Variants in CSMD1 observed in about 807,000 individuals in gnomAD.
CSMD1 encodes CUB and Sushi multiple domains 1, also known as CUB and sushi domain-containing protein 1.
CSMD1 carries 213 observed loss-of-function variants against 417.5 expected under a neutral mutation model. That is an observed-to-expected ratio of 0.51 (90% CI 0.46 to 0.57). The LOEUF is 0.57. Among genes scored for constraint, CSMD1 ranks in the 20% least tolerant of loss-of-function variants. CSMD1 has a pLI of 0.00. For missense variants in CSMD1, 6,923 were observed against 4,529.7 expected (o/e 1.53, Z -15.17); for synonymous variants, 2,862 against 1,736.8 (o/e 1.65, Z -16.11).
chr8:3,359,434 A>G (rs1050918065), intron 20 of CSMD1, 94 bp from the exon 21 acceptor site: 2 of 947,610 alleles, frequency 2.1e-6, no homozygotes, highest in African/African-American at 1.7e-5. Flanking sequence ...ACTAAAAAAA[A>G]AAAAAAAAAC....
At chr8:4,147,703 C>T (rs143093709) in intron 3 of CSMD1, among the ~76,000 whole-genome samples, 1,569 of 152,228 alleles carry the variant, frequency 0.01, 15 homozygotes, top group Non-Finnish European at 0.015. Context: ...TCACCATGGT[C>T]AGGTTTCAGA....
rs116168740 is a variant in CSMD1 at position 4,181,537 on chromosome 8, G to C, written c.416-149438C>G. Among the ~76,000 whole-genome samples the C allele has an allele frequency of 2.9e-3, 437 of 152,122 alleles. 4 individuals carry two copies. Among genetic ancestry groups the C allele is most frequent in the African/African-American group, 9.9e-3 (411 of 41,512 alleles). ...GAAAACCTTACAATATTTTAAGAAA[G>C]TTTATGAATTTGTGTTTGGCCACAT... On this transcript the variant is annotated intron_variant, in intron 3 of 69. Coordinates refer to ENST00000635120, the MANE Select transcript of CSMD1 (RefSeq NM_033225.6).
chr8:4,390,499 T>TTATTTATTTATTTATTTATG (rs1803773437), intron 3 of CSMD1, among the ~76,000 whole-genome samples: 1 of 143,918 alleles, frequency 6.9e-6, no homozygotes, highest in Non-Finnish European at 1.5e-5. Flanking sequence ...GCGTCCATTT[T>TTATTTATTTATTTATTTATG]TATTTATTTA....
intron 5 of CSMD1, among the ~76,000 whole-genome samples, chr8:3,890,142 T>C (rs1806859468): frequency 1.3e-5 from 2 of 152,230 alleles, no homozygotes; most frequent in African/African-American, 2.4e-5. Context: ...ATTGGGTGTA[T>C]GGACTAGTGC....
At chr8:3,531,173 A>G (rs528074057) in intron 10 of CSMD1, among the ~76,000 whole-genome samples, 30 of 152,216 alleles carry the variant, frequency 2.0e-4, no homozygotes, top group Middle Eastern at 3.4e-3. Context: ...TACTACTTTA[A>G]GAAAATAAGC....
intron 3 of CSMD1, among the ~76,000 whole-genome samples, chr8:4,215,746 C>T (rs990368932): frequency 3.9e-5 from 6 of 152,022 alleles, no homozygotes. Flanking sequence ...GTAATACTTC[C>T]TGTCACTTTT....
rs117151715 is a variant in CSMD1 at position 3,644,840 on chromosome 8, T to C, written c.1010-28043A>G. On this transcript the variant is annotated intron_variant, in intron 7 of 69. Coordinates refer to ENST00000635120, the MANE Select transcript of CSMD1 (RefSeq NM_033225.6). Reference sequence around the variant, plus strand: ...CCTCCCTCCAGGAACCCCGATGTGGTAACCTTCGTTTCCTAAGAGATTGCT... The same window carrying C: ...CCTCCCTCCAGGAACCCCGATGTGGCAACCTTCGTTTCCTAAGAGATTGCT... Among the ~76,000 whole-genome samples the C allele has an allele frequency of 2.1e-3, 318 of 152,144 alleles. 1 individual carries two copies. Among genetic ancestry groups the C allele is most frequent in the South Asian group, 3.7e-3 (18 of 4,818 alleles).
intron 17 of CSMD1, 103 bp downstream of exon 17, chr8:3,396,091 A>C: frequency 2.1e-6 from 2 of 958,352 alleles, no homozygotes; most frequent in Non-Finnish European, 3.2e-6. Flanking sequence ...AAGCAGGATC[A>C]GTAAACTAGC....
At chr8:4,899,559 A>G (rs1295831810) in intron 1 of CSMD1, among the ~76,000 whole-genome samples, 1 of 152,208 alleles carries the variant, frequency 6.6e-6, no homozygotes, top group Non-Finnish European at 1.5e-5. Context: ...CTTTCTTGTC[A>G]TGGTGATCTG....
chr8:3,232,019 T>C (rs1798870095), intron 26 of CSMD1, among the ~76,000 whole-genome samples: 1 of 152,222 alleles, frequency 6.6e-6, no homozygotes, highest in African/African-American at 2.4e-5. Context: ...TACATGTGTG[T>C]ATCTATAACA....
chr8:4,692,531 A>C (rs1203112322), intron 1 of CSMD1, among the ~76,000 whole-genome samples: 1 of 152,096 alleles, frequency 6.6e-6, no homozygotes, highest in East Asian at 1.9e-4. Flanking sequence ...TGAGTTAAGG[A>C]ACAAGGAGCA....
At chr8:4,058,028 GT>G (rs1563066790) in intron 3 of CSMD1, among the ~76,000 whole-genome samples, 1 of 151,402 alleles carries the variant, frequency 6.6e-6, no homozygotes, top group Non-Finnish European at 1.5e-5. Flanking sequence ...CTCTTTTTTG[GT>G]TCCATATGAA....
At chr8:3,759,631 C>T (rs893159799) in intron 5 of CSMD1, among the ~76,000 whole-genome samples, 6 of 151,650 alleles carry the variant, frequency 4.0e-5, no homozygotes, top group East Asian at 3.9e-4. Flanking sequence ...CAGTGGCTCA[C>T]ACCTGTAATT....
chr8:3,836,124 T>C (rs1802683398), intron 5 of CSMD1, among the ~76,000 whole-genome samples: 1 of 152,200 alleles, frequency 6.6e-6, no homozygotes, highest in African/African-American at 2.4e-5. Context: ...TCCTATCCTT[T>C]GAAAGGTGTG....
At chr8:4,007,921 A>C (rs1816253449) in intron 4 of CSMD1, among the ~76,000 whole-genome samples, 1 of 152,210 alleles carries the variant, frequency 6.6e-6, no homozygotes, top group Non-Finnish European at 1.5e-5. Flanking sequence ...GTAGTCTATA[A>C]AAACTGCCTC....
chr8:3,296,499 T>A (rs895325674), intron 25 of CSMD1, among the ~76,000 whole-genome samples: 1 of 152,062 alleles, frequency 6.6e-6, no homozygotes, highest in Non-Finnish European at 1.5e-5. Flanking sequence ...AAGGATGATA[T>A]ACCAAGGCAG....
chr8:3,075,117 C>T (rs1813562181), intron 49 of CSMD1, among the ~76,000 whole-genome samples: 1 of 152,108 alleles, frequency 6.6e-6, no homozygotes, highest in Non-Finnish European at 1.5e-5. Flanking sequence ...TGTGCCTGAT[C>T]CCCCTTCACC....
intron 2 of CSMD1, among the ~76,000 whole-genome samples, chr8:4,572,075 TC>T (rs1333251437): frequency 6.6e-6 from 1 of 152,220 alleles, no homozygotes; most frequent in Non-Finnish European, 1.5e-5. Context: ...TATTCAATTT[TC>T]CAGTCTGTGT....
intron 5 of CSMD1, among the ~76,000 whole-genome samples, chr8:3,987,386 T>C (rs555733679): frequency 1.3e-5 from 2 of 152,342 alleles, no homozygotes; most frequent in African/African-American, 2.4e-5. Flanking sequence ...ACATATGCCA[T>C]GATAACGACT....
Sources: allele counts gnomAD v4.1 joint callset (sites outside exome capture counted in the v4.1 genomes callset), GRCh38; gene constraint gnomAD v4.1.1; transcripts MANE v1.5; gene names NCBI Gene and HGNC (gene_info 2026-07-23, HGNC 2026-07-21).